CNTN1: variants seen among roughly 807,000 people sequenced by gnomAD.
CNTN1 encodes contactin 1.
CNTN1 carries 38 observed loss-of-function variants against 126.4 expected under a neutral mutation model. The ratio of observed to expected loss-of-function variants is 0.30; its 90% CI spans 0.23 to 0.39. The LOEUF (loss-of-function observed/expected upper bound fraction) is 0.39, where lower values mean the gene tolerates loss of function less well. Ranked by LOEUF, CNTN1 falls within the 10% of genes least tolerant of loss-of-function variation. The probability of loss-of-function intolerance (pLI) is 1.00; values close to 1 mark genes in which losing one functional copy is unlikely to be tolerated. For synonymous variants in CNTN1, 413 were observed against 422.6 expected (o/e 0.98, Z 0.28); for missense variants, 1,009 against 1,248.4 (o/e 0.81, Z 2.89).
At chr12:40,877,851 T>C (rs1167095506) in intron 1 of CNTN1, among the ~76,000 whole-genome samples, 1 of 152,146 alleles carries the variant, frequency 6.6e-6, no homozygotes, top group Non-Finnish European at 1.5e-5. Flanking sequence ...GACCCAAATT[T>C]ATTATAGGCA....
chr12:40,768,233 T>C (rs1434175084), intron 1 of CNTN1, among the ~76,000 whole-genome samples: 2 of 152,226 alleles, frequency 1.3e-5, no homozygotes, highest in Admixed American at 6.5e-5. Flanking sequence ...AGTAATGTTA[T>C]TTCATGGAAA....
chr12:40,708,379 A>G (rs1272395957), intron 1 of CNTN1, among the ~76,000 whole-genome samples: 1 of 152,246 alleles, frequency 6.6e-6, no homozygotes, highest in African/African-American at 2.4e-5. Flanking sequence ...TATGTCTAAG[A>G]AAATGTACAC....
At chr12:41,023,489 T>C (rs1296090962) in intron 20 of CNTN1, among the ~76,000 whole-genome samples, 1 of 152,240 alleles carries the variant, frequency 6.6e-6, no homozygotes, top group Non-Finnish European at 1.5e-5. Context: ...GTCTTTCTTA[T>C]CAAGGGCATT....
intron 1 of CNTN1, among the ~76,000 whole-genome samples, chr12:40,698,797 A>G (rs542148515): frequency 6.6e-6 from 1 of 152,242 alleles, no homozygotes; most frequent in South Asian, 2.1e-4. Flanking sequence ...CCTTTATTAA[A>G]TGGTACGTGG....
intron 1 of CNTN1, chr12:40,728,788 T>C (rs1315840454): frequency 6.6e-6 from 1 of 152,142 alleles, no homozygotes; most frequent in Non-Finnish European, 1.5e-5. Context: ...TCCGGGTGAG[T>C]GCTCCCCCAG....
At chr12:40,830,170 T>G (rs1314246117) in intron 1 of CNTN1, among the ~76,000 whole-genome samples, 1 of 152,114 alleles carries the variant, frequency 6.6e-6, no homozygotes, top group Non-Finnish European at 1.5e-5. Flanking sequence ...AGACATAATG[T>G]TCAGATAAAG....
At chr12:40,948,304 C>A (rs1592304076) in intron 14 of CNTN1, among the ~76,000 whole-genome samples, 2 of 81,728 alleles carry the variant, frequency 2.4e-5, no homozygotes, top group South Asian at 4.3e-4. Flanking sequence ...TCATTTTTCA[C>A]AATTTAATAC....
chr12:40,982,483 T>A (rs1947845344), intron 16 of CNTN1, among the ~76,000 whole-genome samples: 1 of 152,204 alleles, frequency 6.6e-6, no homozygotes, highest in South Asian at 2.1e-4. Flanking sequence ...TATGTATGCT[T>A]ACTATGTAGC....
At chr12:40,887,694 G>C (rs1944091857) in intron 1 of CNTN1, among the ~76,000 whole-genome samples, 2 of 151,790 alleles carry the variant, frequency 1.3e-5, no homozygotes, top group South Asian at 4.2e-4. Flanking sequence ...AAATCATGCT[G>C]CTATAAAGAC....
intron 1 of CNTN1, among the ~76,000 whole-genome samples, chr12:40,860,137 A>G (rs1943066393): frequency 6.6e-6 from 1 of 152,160 alleles, no homozygotes; most frequent in South Asian, 2.1e-4. Flanking sequence ...GGCTCAATTC[A>G]ACAGACAAAA....
chr12:40,835,855 C>T (rs2136564953), intron 1 of CNTN1, among the ~76,000 whole-genome samples: 1 of 149,534 alleles, frequency 6.7e-6, no homozygotes, highest in Admixed American at 6.7e-5. Flanking sequence ...GGAGCAATTT[C>T]CTAAAGAACC....
At chr12:40,737,355 G>GTATA (rs1482206649) in intron 1 of CNTN1, among the ~76,000 whole-genome samples, 2 of 17,362 alleles carry the variant, frequency 1.2e-4, no homozygotes, top group Non-Finnish European at 3.2e-4. Context: ...ATATATGTGT[G>GTATA]TGTGTATATA....
intron 1 of CNTN1, among the ~76,000 whole-genome samples, chr12:40,820,435 A>G (rs1941408674): frequency 6.6e-6 from 1 of 152,222 alleles, no homozygotes; most frequent in African/African-American, 2.4e-5. Context: ...GTGAAGTCAG[A>G]GTCCAGAATA....
intron 14 of CNTN1, among the ~76,000 whole-genome samples, chr12:40,955,138 A>T (rs11179182): frequency 6.6e-6 from 1 of 151,670 alleles, no homozygotes; most frequent in Non-Finnish European, 1.5e-5. Context: ...CCCAACTCCT[A>T]CTCTATGACC....
At chr12:40,966,696 C>G (rs540721591) in intron 15 of CNTN1, among the ~76,000 whole-genome samples, 17 of 152,200 alleles carry the variant, frequency 1.1e-4, no homozygotes, top group African/African-American at 3.9e-4. Context: ...AATTGAGGTA[C>G]ACTCAAGAAT....
At chr12:40,853,434 T>C (rs1942788901) in intron 1 of CNTN1, among the ~76,000 whole-genome samples, 1 of 152,132 alleles carries the variant, frequency 6.6e-6, no homozygotes, top group South Asian at 2.1e-4. Context: ...ATGAGAAAAG[T>C]TAGTGAAAGA....
At chr12:40,937,047 A>G (rs559626013) in intron 10 of CNTN1, 142 bp downstream of exon 10, 1 of 994,842 alleles carries the variant, frequency 1.0e-6, no homozygotes, top group Admixed American at 1.8e-5. Context: ...AAAAAAGACA[A>G]AAACTGAACA....
chr12:40,851,894 A>T (rs1181146661), intron 1 of CNTN1, among the ~76,000 whole-genome samples: 1 of 152,164 alleles, frequency 6.6e-6, no homozygotes, highest in Non-Finnish European at 1.5e-5. Flanking sequence ...TTCATAGGAC[A>T]TATGTACAGA....
Position 40,943,695 on chromosome 12 carries a change from C to A in CNTN1, c.1478C>A (p.Ala493Asp). Residue 493 changes from alanine to aspartate, a missense_variant, in exon 13 of 24, where the codon GCT (alanine) becomes GAT (aspartate). Coordinates refer to ENST00000551295, the MANE Select transcript of CNTN1 (RefSeq NM_001843.4). ...TTTGCAGAAAATAACAGAGGGAAAG[C>A]TAATAGCACTGGAACCCTTGTTATC... Reference protein sequence around the residue: ...TCFAENNRGKANSTGTLVITD... With the variant: ...TCFAENNRGKDNSTGTLVITD... 1.2e-6 allele frequency: 2 copies of A among 1,612,626 alleles called. No individual in the cohort carries two copies. Among genetic ancestry groups the A allele is most frequent in the Non-Finnish European group, 1.7e-6 (2 of 1,179,080 alleles).
Sources: allele counts gnomAD v4.1 joint callset (sites outside exome capture counted in the v4.1 genomes callset), GRCh38; gene constraint gnomAD v4.1.1; transcripts MANE v1.5; gene names NCBI Gene and HGNC (gene_info 2026-07-23, HGNC 2026-07-21).